EXOC4: variants seen among roughly 807,000 people sequenced by gnomAD.
EXOC4 encodes exocyst complex component 4.
In EXOC4, 71 loss-of-function variants were observed where a neutral mutation model predicts 107.2. That is an observed-to-expected ratio of 0.66 (90% confidence interval 0.55 to 0.81). EXOC4 has a LOEUF of 0.81. Ranked by LOEUF, EXOC4 falls within the 30% of genes least tolerant of loss-of-function variation. The pLI is 0.00. For missense variants in EXOC4, 1,108 were observed against 1,189.6 expected (o/e 0.93, Z 1.01); for synonymous variants, 456 against 441.2 (o/e 1.03, Z -0.42).
rs563976400 is a variant in EXOC4 at position 133,420,547 on chromosome 7, T to C, written c.1182+45545T>C. On this transcript the variant is annotated intron_variant, in intron 7 of 17. Coordinates refer to ENST00000253861, the MANE Select transcript of EXOC4 (RefSeq NM_021807.4). ...ACAGCCTATCATCTTTTTCATATTC[T>C]GTTGGTTAAAAGCAAGTCACAGTTC... is the stretch of plus-strand genomic sequence containing the variant. 5.3e-5 allele frequency among the ~76,000 whole-genome samples: 8 copies of C among 152,174 alleles called. No homozygotes were observed. The East Asian group carries it at 1.4e-3, about 26-fold the overall frequency.
At chr7:133,375,239 G>T (rs888875926) in intron 7 of EXOC4, among the ~76,000 whole-genome samples, 1 of 152,200 alleles carries the variant, frequency 6.6e-6, no homozygotes, top group African/African-American at 2.4e-5. Context: ...ACTTTGGGAG[G>T]CCAAGGCGGG....
intron 9 of EXOC4, among the ~76,000 whole-genome samples, chr7:133,624,981 TTAAGAC>T (rs1235374506): frequency 1.3e-5 from 2 of 151,934 alleles, no homozygotes; most frequent in African/African-American, 4.8e-5. Flanking sequence ...AAAGTAAAAA[TTAAGAC>T]TAGAGAAAGT....
chr7:133,445,643 C>CAAAT (rs1554454132), intron 7 of EXOC4, among the ~76,000 whole-genome samples: 3 of 151,762 alleles, frequency 2.0e-5, no homozygotes, highest in Non-Finnish European at 4.4e-5. Flanking sequence ...AACAAACAAA[C>CAAAT]AAATAAATCA....
At chr7:133,790,950 C>T (rs953075726) in intron 10 of EXOC4, among the ~76,000 whole-genome samples, 3 of 152,144 alleles carry the variant, frequency 2.0e-5, no homozygotes, top group Admixed American at 6.5e-5. Flanking sequence ...TACATTACAT[C>T]GATTGAATTG....
At chr7:133,859,721 GAACA>G (rs1798493387) in intron 11 of EXOC4, among the ~76,000 whole-genome samples, 2 of 152,126 alleles carry the variant, frequency 1.3e-5, no homozygotes, top group African/African-American at 4.8e-5. Context: ...TCTAGAGATA[GAACA>G]AAAGGCCTAA....
At chr7:133,655,441 A>T (rs10234061) in intron 10 of EXOC4, among the ~76,000 whole-genome samples, 15,568 of 152,180 alleles carry the variant, frequency 0.1, 966 homozygotes, top group African/African-American at 0.17. Context: ...TATTCCTCTT[A>T]ACTTTCTGAT....
intron 9 of EXOC4, among the ~76,000 whole-genome samples, chr7:133,514,716 G>A (rs1206532938): frequency 6.6e-6 from 1 of 152,110 alleles, no homozygotes; most frequent in Non-Finnish European, 1.5e-5. Context: ...CATTTGTACA[G>A]AAGAATAGGT....
chr7:133,304,790 T>G (rs534957954), intron 3 of EXOC4, among the ~76,000 whole-genome samples: 1 of 152,308 alleles, frequency 6.6e-6, no homozygotes, highest in Non-Finnish European at 1.5e-5. Flanking sequence ...CATTTAAGGG[T>G]TTTACCCTGA....
At chr7:133,747,763 TC>T (rs1423749714) in intron 10 of EXOC4, among the ~76,000 whole-genome samples, 1 of 152,088 alleles carries the variant, frequency 6.6e-6, no homozygotes, top group Admixed American at 6.6e-5. Context: ...TAACCTGACT[TC>T]CTAGCCACTC....
Position 134,064,540 on chromosome 7 carries a change from G to A in EXOC4, c.*12G>A, listed in dbSNP as rs1397197919. On this transcript the variant is annotated 3_prime_UTR_variant, in exon 18 of 18. Coordinates refer to ENST00000253861, the MANE Select transcript of EXOC4 (RefSeq NM_021807.4). ...TAACTACCGTTTAGCAGGGCGTACT[G>A]CGGTTGGTGACGGGGGTCCCCTCAG... 6.5e-7 allele frequency: 1 copy of A among 1,543,736 alleles called. No homozygotes were observed. The highest frequency in any genetic ancestry group is 8.8e-7 in the Non-Finnish European group (1 of 1,137,626).
chr7:133,347,205 G>C (rs958485571), intron 5 of EXOC4, among the ~76,000 whole-genome samples: 1 of 150,910 alleles, frequency 6.6e-6, no homozygotes, highest in African/African-American at 2.4e-5. Flanking sequence ...GTAAGTAGCT[G>C]TAGGCTGTGT....
chr7:133,917,518 A>C, intron 12 of EXOC4, 65 bp from the exon 13 acceptor site: 1 of 1,502,772 alleles, frequency 6.7e-7, no homozygotes, highest in Non-Finnish European at 9.1e-7. Flanking sequence ...GCAAAGGTAG[A>C]TGAAAATGCT....
intron 10 of EXOC4, among the ~76,000 whole-genome samples, chr7:133,800,018 TCCA>T (rs1184606870): frequency 1.4e-5 from 2 of 147,900 alleles, no homozygotes; most frequent in African/African-American, 5.0e-5. Flanking sequence ...CTTTCATCCA[TCCA>T]TCCATCCATC....
At chr7:133,461,347 A>G (rs566591781) in intron 7 of EXOC4, among the ~76,000 whole-genome samples, 17 of 152,304 alleles carry the variant, frequency 1.1e-4, no homozygotes, top group South Asian at 4.1e-4. Context: ...ATGAGAAGGT[A>G]TGTAACACAG....
At chr7:133,665,773 A>G (rs1466302564) in intron 10 of EXOC4, among the ~76,000 whole-genome samples, 1 of 152,154 alleles carries the variant, frequency 6.6e-6, no homozygotes, top group African/African-American at 2.4e-5. Context: ...TTTTCTATAA[A>G]TTCAGTTTTA....
intron 6 of EXOC4, among the ~76,000 whole-genome samples, chr7:133,362,821 G>A (rs918501131): frequency 3.3e-5 from 5 of 152,024 alleles, no homozygotes; most frequent in African/African-American, 9.7e-5. Context: ...ATAGCATTTC[G>A]TTTTATCTCT....
chr7:133,641,058 C>T (rs933834899), intron 10 of EXOC4, among the ~76,000 whole-genome samples: 11 of 151,982 alleles, frequency 7.2e-5, no homozygotes, highest in Admixed American at 2.0e-4. Flanking sequence ...TTTTTGGAGA[C>T]AGTAAATTCA....
chr7:133,714,369 G>A (rs918543607), intron 10 of EXOC4, among the ~76,000 whole-genome samples: 2 of 152,026 alleles, frequency 1.3e-5, no homozygotes, highest in African/African-American at 4.8e-5. Context: ...GGAATTTTAG[G>A]AATCAATTGT....
chr7:133,989,472 G>A (rs997634035), intron 14 of EXOC4, among the ~76,000 whole-genome samples: 4 of 152,142 alleles, frequency 2.6e-5, no homozygotes, highest in Non-Finnish European at 4.4e-5. Flanking sequence ...AGAAACACCG[G>A]CATTATGGAT....
Sources: gnomAD v4.1 joint callset for allele counts (sites outside exome capture counted in the v4.1 genomes callset) on GRCh38, gnomAD v4.1.1 for gene constraint, MANE v1.5 for transcripts, NCBI Gene and HGNC (gene_info 2026-07-23, HGNC 2026-07-21) for gene names.